Variants in KCTD16 observed in about 807,000 individuals in gnomAD.
The protein encoded by KCTD16 is potassium channel tetramerization domain containing 16, also known as BTB/POZ domain-containing protein KCTD16.
A neutral mutation model predicts 33.2 loss-of-function variants in KCTD16; 13 were observed. The ratio of observed to expected loss-of-function variants is 0.39; its 90% CI spans 0.25 to 0.62. The LOEUF is 0.62. Ranked by LOEUF, KCTD16 falls within the 20% of genes least tolerant of loss-of-function variation. The probability of loss-of-function intolerance (pLI) is 0.50; values close to 1 mark genes in which losing one functional copy is unlikely to be tolerated. For synonymous variants in KCTD16, 197 were observed against 195.3 expected, an observed-to-expected ratio of 1.01 and a Z score of -0.07; for missense variants, 441 against 525.1, an observed-to-expected ratio of 0.84 and a Z score of 1.57.
intron 3 of KCTD16, among the ~76,000 whole-genome samples, chr5:144,322,286 C>T (rs968470328): frequency 1.3e-5 from 2 of 152,158 alleles, no homozygotes; most frequent in Non-Finnish European, 2.9e-5. Flanking sequence ...ACCATCTTCA[C>T]TGTCCATAGT....
chr5:144,414,825 C>T lies in KCTD16; in HGVS notation c.833-58835C>T, dbSNP rs150361393. On this transcript the variant is annotated intron_variant, in intron 3 of 3. Coordinates refer to ENST00000512467, the MANE Select transcript of KCTD16 (RefSeq NM_020768.4). ...ATAATGAACATTTGACTTGAGACTA[C>T]CAATGAGAGCCTTGTATTCGTGTGT... Among the ~76,000 whole-genome samples, 541 of 152,224 alleles carry T rather than the reference C, an allele frequency of 3.6e-3. 1 individual carries two copies. Among genetic ancestry groups the T allele is most frequent in the Non-Finnish European group, 6.2e-3 (422 of 68,014 alleles).
chr5:144,288,632 A>G (rs1429292535), intron 3 of KCTD16, among the ~76,000 whole-genome samples: 1 of 152,158 alleles, frequency 6.6e-6, no homozygotes, highest in Admixed American at 6.5e-5. Flanking sequence ...CAGAGGATAC[A>G]TTCCTCTTTT....
chr5:144,313,539 A>AT (rs1455386406), intron 3 of KCTD16, among the ~76,000 whole-genome samples: 1 of 152,172 alleles, frequency 6.6e-6, no homozygotes, highest in Non-Finnish European at 1.5e-5. Context: ...TGCAGCTACA[A>AT]TTTTTTTAAA....
At chr5:144,191,508 C>G (rs902663173) in intron 2 of KCTD16, among the ~76,000 whole-genome samples, 12 of 152,182 alleles carry the variant, frequency 7.9e-5, no homozygotes, top group Admixed American at 6.5e-4. Context: ...GAACCTTTAG[C>G]TTCTGTTTTC....
At chr5:144,238,575 G>A (rs920950235) in intron 3 of KCTD16, among the ~76,000 whole-genome samples, 2 of 152,078 alleles carry the variant, frequency 1.3e-5, no homozygotes, top group African/African-American at 2.4e-5. Context: ...GATGGTAACC[G>A]GGCTTTATCT....
At chr5:144,177,016 A>G (rs1219033015) in intron 2 of KCTD16, among the ~76,000 whole-genome samples, 3 of 152,158 alleles carry the variant, frequency 2.0e-5, no homozygotes, top group African/African-American at 7.2e-5. Flanking sequence ...GCTGTGCAGA[A>G]GCGCTTTAGT....
chr5:144,240,960 C>A (rs1047920555), intron 3 of KCTD16, among the ~76,000 whole-genome samples: 3 of 152,038 alleles, frequency 2.0e-5, no homozygotes, highest in Non-Finnish European at 4.4e-5. Context: ...AGAAGTATAT[C>A]TCTGAAGTGA....
chr5:144,330,267 GC>G (rs1308233798), intron 3 of KCTD16, among the ~76,000 whole-genome samples: 1 of 151,860 alleles, frequency 6.6e-6, no homozygotes, highest in Non-Finnish European at 1.5e-5. Context: ...ACAAAAATTA[GC>G]CACGCGAGTT....
In KCTD16 at chr5:144,480,682, T is replaced by C. The variant is rs1175651009; in HGVS notation, c.*6568T>C. On this transcript the variant is annotated 3_prime_UTR_variant, in exon 4 of 4. Transcript: ENST00000512467. ...GGCAATGCCTGGAGATATTTTTTGT[T>C]TCATGATTTGAGGGGTGCTACTGAC... 1 of 151,850 alleles carries C rather than the reference T, an allele frequency of 6.6e-6. No homozygotes were observed. Among genetic ancestry groups the C allele is most frequent in the Non-Finnish European group, 1.5e-5 (1 of 67,920 alleles). The allele number at this position is 151,850 out of a possible 1,614,324, so 9.4% of individuals were successfully genotyped here. A position where few individuals can be genotyped will look rare whatever the true frequency, so the allele number is the denominator to read the frequency against.
At chr5:144,267,762 A>G (rs549891204) in intron 3 of KCTD16, among the ~76,000 whole-genome samples, 78 of 152,142 alleles carry the variant, frequency 5.1e-4, no homozygotes, top group Non-Finnish European at 1.0e-3. Context: ...ATCTATGGTG[A>G]TATGTTTGAG....
intron 3 of KCTD16, among the ~76,000 whole-genome samples, chr5:144,304,593 A>G (rs1751540430): frequency 6.6e-6 from 1 of 152,124 alleles, no homozygotes; most frequent in South Asian, 2.1e-4. Context: ...GTCTGTGAGT[A>G]AAAACATTAT....
chr5:144,463,427 G>A (rs1245615182), intron 3 of KCTD16, among the ~76,000 whole-genome samples: 1 of 151,632 alleles, frequency 6.6e-6, no homozygotes. Context: ...ATTATTCAGT[G>A]GACATTGAAT....
At chr5:144,373,355 T>C in intron 3 of KCTD16, among the ~76,000 whole-genome samples, 1 of 152,202 alleles carries the variant, frequency 6.6e-6, no homozygotes, top group Non-Finnish European at 1.5e-5. Context: ...ACAGTGATCC[T>C]AAGTTAATTA....
chr5:144,194,197 C>G (rs940598640), intron 2 of KCTD16, among the ~76,000 whole-genome samples: 1 of 152,018 alleles, frequency 6.6e-6, no homozygotes. Context: ...ACTCAGATAT[C>G]CTTGTATATA....
intron 3 of KCTD16, among the ~76,000 whole-genome samples, chr5:144,426,696 TG>T (rs1470960212): frequency 6.6e-6 from 1 of 152,080 alleles, no homozygotes; most frequent in South Asian, 2.1e-4. Flanking sequence ...CACCAGCATC[TG>T]GGGAGGGTCA....
chr5:144,373,739 C>G (rs140572198), intron 3 of KCTD16, among the ~76,000 whole-genome samples: 1 of 152,180 alleles, frequency 6.6e-6, no homozygotes, highest in South Asian at 2.1e-4. Context: ...TGTGAAGTTA[C>G]TGGCATAGGC....
chr5:144,327,633 C>T (rs903238322), intron 3 of KCTD16, among the ~76,000 whole-genome samples: 3 of 151,752 alleles, frequency 2.0e-5, no homozygotes, highest in Non-Finnish European at 2.9e-5. Flanking sequence ...TTGCATTTTC[C>T]GATGCACATG....
chr5:144,377,156 T>C (rs1752112522), intron 3 of KCTD16, among the ~76,000 whole-genome samples: 1 of 152,230 alleles, frequency 6.6e-6, no homozygotes, highest in Non-Finnish European at 1.5e-5. Context: ...GGAGCCCTTC[T>C]CTGTTCAAGG....
At position 144,300,690 on chromosome 5, in the gene KCTD16, C is replaced by T. The variant is rs1053322492; in HGVS notation, c.832+93144C>T. ...AGACATAACACTCTATTGAAGAGTA[C>T]GGCCATATAAACTCATAATTGATAT... On this transcript the variant is annotated intron_variant, in intron 3 of 3. Coordinates refer to ENST00000512467, the MANE Select transcript of KCTD16 (RefSeq NM_020768.4). Among the ~76,000 whole-genome samples the T allele has an allele frequency of 9.2e-5, 14 of 152,126 alleles. No homozygotes were observed. The East Asian group carries it at 1.7e-3, about 19-fold the overall frequency.
Sources: gnomAD v4.1 joint callset for allele counts (sites outside exome capture counted in the v4.1 genomes callset) on GRCh38, gnomAD v4.1.1 for gene constraint, MANE v1.5 for transcripts, NCBI Gene and HGNC (gene_info 2026-07-23, HGNC 2026-07-21) for gene names.